Variants in LUZP1 observed in about 807,000 individuals in gnomAD.
LUZP1 encodes the protein leucine zipper protein 1.
A neutral mutation model predicts 71.3 loss-of-function variants in LUZP1; 25 were observed. That is an observed-to-expected ratio of 0.35 (90% CI 0.26 to 0.49). LUZP1 has a LOEUF of 0.49. Among genes scored for constraint, LUZP1 ranks in the 20% least tolerant of loss-of-function variants. The probability of loss-of-function intolerance (pLI) is 0.99; values close to 1 mark genes in which losing one functional copy is unlikely to be tolerated. For missense variants in LUZP1, 1,142 were observed against 1,300.8 expected (o/e 0.88, Z 1.88); for synonymous variants, 481 against 506.4 (o/e 0.95, Z 0.67).
At chr1:23,153,797 C>T (rs745961367) in intron 2 of LUZP1, among the ~76,000 whole-genome samples, 1 of 152,058 alleles carries the variant, frequency 6.6e-6, no homozygotes, top group Non-Finnish European at 1.5e-5. Context: ...TACCCACAAA[C>T]GGTGGTGCAC....
exon 4 of LUZP1, chr1:23,091,793 A>T: frequency 1.9e-6 from 3 of 1,614,030 alleles, no homozygotes; most frequent in Non-Finnish European, 2.5e-6. Flanking sequence ...CCACCTGGAT[A>T]TTGCTAGTGG....
chr1:23,103,865 AG>A (rs1557641141), intron 3 of LUZP1, among the ~76,000 whole-genome samples: 282 of 5,094 alleles, frequency 0.055, 5 homozygotes, highest in Non-Finnish European at 0.078. Flanking sequence ...GGAGGGAGGG[AG>A]GGAGGGAGGG....
intron 1 of LUZP1, among the ~76,000 whole-genome samples, chr1:23,174,839 A>G (rs1025220247): frequency 6.6e-6 from 1 of 152,080 alleles, no homozygotes; most frequent in African/African-American, 2.4e-5. Context: ...AATAGCCCTC[A>G]ATTCTCCTAT....
rs1373252791 is a variant in LUZP1 at position 23,094,851 on chromosome 1, G to A, written c.-119-471C>T. On this transcript the variant is annotated intron_variant, in intron 3 of 4. Transcript: ENST00000302291. This position sits in a 1 kb window ranked among gnomAD's most constrained non-coding sequence, Gnocchi z 4.7. ...CAATCCTAAGATTTTTTTTTTTAAA[G>A]ATTATCTCTTATGAGCTATTGTGAC... Among the ~76,000 whole-genome samples, 1 of 151,656 alleles carries A rather than the reference G, an allele frequency of 6.6e-6. No individual in the cohort carries two copies. Among genetic ancestry groups the A allele is most frequent in the Non-Finnish European group, 1.5e-5 (1 of 67,892 alleles).
intron 2 of LUZP1, among the ~76,000 whole-genome samples, chr1:23,165,937 A>C (rs777414844): frequency 6.6e-6 from 1 of 151,572 alleles, no homozygotes; most frequent in Non-Finnish European, 1.5e-5. Context: ...TCACTTAGGT[A>C]CTCCCCATTT....
At position 23,149,079 on chromosome 1, in the gene LUZP1, TAAAAAAAA is replaced by T. The variant is rs58910170; in HGVS notation, c.-226+19679_-226+19686del. On this transcript the variant is annotated intron_variant, in intron 2 of 4. Coordinates refer to ENST00000302291, the Ensembl canonical transcript of LUZP1. ...CCAGGTGACAGAGTGACACCTTGCC[TAAAAAAAA>T]AAAAAAAAAAAAAAAAAAATTAAAT... is the stretch of plus-strand genomic sequence containing the variant. Among the ~76,000 whole-genome samples the T allele has an allele frequency of 2.9e-4, 11 of 37,410 alleles. No individual in the cohort carries two copies. The East Asian group carries it at 7.8e-3, about 27-fold the overall frequency. 24.5% of individuals were successfully genotyped at this position (37,410 alleles called of 152,430 possible). A position where few individuals can be genotyped will look rare whatever the true frequency, so the allele number is the denominator to read the frequency against.
chr1:23,092,112 G>T, exon 4 of LUZP1: 1 of 1,614,186 alleles, frequency 6.2e-7, no homozygotes. Context: ...AGATTTCACA[G>T]ATTCATTCTC....
intron 2 of LUZP1, among the ~76,000 whole-genome samples, chr1:23,115,861 C>T (rs1644073816): frequency 6.6e-6 from 1 of 151,924 alleles, no homozygotes; most frequent in Non-Finnish European, 1.5e-5. Context: ...CCTTTTCTAA[C>T]CAGTGGTCTA....
chr1:23,091,258 C>T, exon 4 of LUZP1: 1 of 1,613,962 alleles, frequency 6.2e-7, no homozygotes, highest in Non-Finnish European at 8.5e-7. Flanking sequence ...CGGGTAAGCA[C>T]CTCTGACACA....
chr1:23,147,612 CAA>C (rs774893320), intron 2 of LUZP1, among the ~76,000 whole-genome samples: 1 of 61,458 alleles, frequency 1.6e-5, no homozygotes. Context: ...AGTCTCTACC[CAA>C]AAAAAAAAAA....
intron 2 of LUZP1, among the ~76,000 whole-genome samples, chr1:23,139,019 A>AATATATATATAT (rs1225155907): frequency 9.3e-4 from 56 of 59,938 alleles, no homozygotes; most frequent in Admixed American, 4.7e-3. Context: ...AAAAAAAAAA[A>AATATATATATAT]ATATATATAT....
intron 1 of LUZP1, among the ~76,000 whole-genome samples, chr1:23,170,066 T>G (rs1264420765): frequency 6.6e-6 from 1 of 152,132 alleles, no homozygotes; most frequent in Non-Finnish European, 1.5e-5. Context: ...GCTGAAGCTC[T>G]TCCCCTGCTG....
chr1:23,147,351 G>T (rs1258260027), intron 2 of LUZP1, among the ~76,000 whole-genome samples: 1 of 149,568 alleles, frequency 6.7e-6, no homozygotes, highest in African/African-American at 2.5e-5. Flanking sequence ...TGAGGTAGGA[G>T]AATCACTTGA....
intron 2 of LUZP1, among the ~76,000 whole-genome samples, chr1:23,166,709 G>T (rs1397851421): frequency 6.7e-6 from 1 of 148,670 alleles, no homozygotes; most frequent in Non-Finnish European, 1.5e-5. Context: ...CAAAATTCTT[G>T]GGAAGACTGC....
At chr1:23,175,847 G>A (rs185262219) in intron 1 of LUZP1, among the ~76,000 whole-genome samples, 1 of 152,264 alleles carries the variant, frequency 6.6e-6, no homozygotes, top group Non-Finnish European at 1.5e-5. Flanking sequence ...GGAATGCAGG[G>A]TGGGGACCTA....
chr1:23,157,844 CA>C (rs59173298), intron 2 of LUZP1, among the ~76,000 whole-genome samples: 45 of 145,986 alleles, frequency 3.1e-4, no homozygotes, highest in Admixed American at 4.8e-4. Context: ...TTGCCCCTAC[CA>C]AAAAAAAAAA....
intron 2 of LUZP1, among the ~76,000 whole-genome samples, chr1:23,138,797 C>T (rs928432448): frequency 3.4e-5 from 5 of 149,068 alleles, no homozygotes; most frequent in Admixed American, 6.8e-5. Context: ...CTCAGGAGTT[C>T]GACACCACCC....
intron 2 of LUZP1, among the ~76,000 whole-genome samples, chr1:23,123,195 A>G (rs1569614473): frequency 6.6e-6 from 1 of 152,142 alleles, no homozygotes; most frequent in Non-Finnish European, 1.5e-5. Flanking sequence ...TTAGTATCCT[A>G]TAAGAATCAT....
intron 2 of LUZP1, among the ~76,000 whole-genome samples, chr1:23,146,199 G>T (rs1247373857): frequency 2.0e-5 from 3 of 152,080 alleles, no homozygotes; most frequent in Non-Finnish European, 4.4e-5. Context: ...TGTATTTTTA[G>T]TAGAGACGGG....
Sources: allele counts gnomAD v4.1 joint callset (sites outside exome capture counted in the v4.1 genomes callset), GRCh38; gene constraint gnomAD v4.1.1; non-coding constraint Gnocchi (gnomAD v3.1); transcripts MANE v1.5; gene names NCBI Gene and HGNC (gene_info 2026-07-23, HGNC 2026-07-21).